Variants in PECR observed in about 807,000 individuals in gnomAD.
PECR encodes the protein 2,4-dienoyl-CoA reductase-related protein.
Under a neutral mutation model 35.3 loss-of-function variants are expected in PECR, and 30 were observed. The ratio of observed to expected loss-of-function variants is 0.85; its 90% CI spans 0.64 to 1.15. PECR has a LOEUF of 1.15. Among genes scored for constraint, PECR ranks in the 50% most tolerant of loss-of-function variants. The pLI is 0.00. For synonymous variants in PECR, 148 were observed against 138.9 expected, an observed-to-expected ratio of 1.07 and a Z score of -0.46; for missense variants, 392 against 370.8, an observed-to-expected ratio of 1.06 and a Z score of -0.47.
chr2:216,050,022 A>T (rs924218311), intron 5 of PECR, among the ~76,000 whole-genome samples: 3 of 152,100 alleles, frequency 2.0e-5, no homozygotes, highest in African/African-American at 7.2e-5. Context: ...GTTTGAGACC[A>T]GCCTGGGCAA....
At chr2:216,045,705 G>A (rs1324482257) in intron 6 of PECR, among the ~76,000 whole-genome samples, 3 of 152,212 alleles carry the variant, frequency 2.0e-5, no homozygotes, top group South Asian at 4.1e-4. Context: ...CAACAGAGCT[G>A]GTTTTAACCC....
intron 4 of PECR, among the ~76,000 whole-genome samples, chr2:216,056,773 C>T (rs1262288703): frequency 6.9e-6 from 1 of 144,210 alleles, no homozygotes; most frequent in Admixed American, 6.9e-5. Context: ...GTGCACAATA[C>T]ATAGTAAGAA....
intron 1 of PECR, among the ~76,000 whole-genome samples, chr2:216,078,693 C>G (rs1372137310): frequency 6.6e-6 from 1 of 152,022 alleles, no homozygotes; most frequent in Non-Finnish European, 1.5e-5. Flanking sequence ...TATATGATGT[C>G]TTTTTCTCAA....
At position 216,065,497 on chromosome 2, in the gene PECR, G is replaced by A. The variant is rs746626592; in HGVS notation, c.259-20C>T. On this transcript the variant is annotated intron_variant, in intron 2 of 7. Transcript: ENST00000265322. The stretch of plus-strand genomic sequence containing the variant: ...ATTCACCTAAAGAAGAACAGTAGAA[G>A]TTACTAAAAGGAAAAGTTTAATAGC... 6 of 1,511,996 alleles carry A rather than the reference G, an allele frequency of 4.0e-6. No homozygotes were observed. In the East Asian group the frequency reaches 1.1e-4, roughly 28 times the overall value. 93.7% of individuals were successfully genotyped at this position (1,511,996 alleles called of 1,614,324 possible). A position where few individuals can be genotyped will look rare whatever the true frequency, so the allele number is the denominator to read the frequency against.
At chr2:216,064,749 T>C (rs1007701304) in intron 3 of PECR, among the ~76,000 whole-genome samples, 1 of 152,238 alleles carries the variant, frequency 6.6e-6, no homozygotes, top group African/African-American at 2.4e-5. Flanking sequence ...TAATTCATGT[T>C]GGCATGAAGA....
chr2:216,047,852 C>T (rs564074601), intron 6 of PECR, among the ~76,000 whole-genome samples: 9 of 151,984 alleles, frequency 5.9e-5, no homozygotes, highest in Non-Finnish European at 8.8e-5. Context: ...TTGGTTCTCC[C>T]CATCAAGGAA....
In PECR at chr2:216,065,315, C is replaced by G; in HGVS notation, c.421G>C (p.Ala141Pro). 2.5e-6 allele frequency: 4 copies of G among 1,606,764 alleles called. No individual in the cohort carries two copies. The highest frequency in any genetic ancestry group is 3.4e-6 in the Non-Finnish European group (4 of 1,173,268). The change falls in exon 3 of 8, where the codon GCA becomes CCA. Residue 141 changes from alanine to proline, a missense_variant. Physicochemically the swap from Ala to Pro is conservative, Grantham distance 27. Transcript: ENST00000265322. ...NLTGTFYMCK[A>P]VYSSWMKEHG... Reference sequence around the variant, plus strand: ...TGTGGATACTGATGGTACTTGCCTGCTTTGCACATGTAGAAGGTACCCGTC... The same window carrying G: ...TGTGGATACTGATGGTACTTGCCTGGTTTGCACATGTAGAAGGTACCCGTC...
At chr2:216,051,083 C>T (rs756208732) in intron 5 of PECR, among the ~76,000 whole-genome samples, 29 of 151,346 alleles carry the variant, frequency 1.9e-4, no homozygotes, top group Non-Finnish European at 3.2e-4. Flanking sequence ...CTCAGGAGTT[C>T]GAGACCACCC....
chr2:216,045,850 C>G (rs967923120), intron 6 of PECR, among the ~76,000 whole-genome samples: 1 of 152,230 alleles, frequency 6.6e-6, no homozygotes, highest in African/African-American at 2.4e-5. Flanking sequence ...GTAGTCACAA[C>G]CTCTAACAAT....
In PECR at chr2:216,049,349, C is replaced by T. The variant is rs1695059232; in HGVS notation, c.628G>A (p.Val210Met). The T allele has an allele frequency of 6.4e-7, 1 of 1,572,272 alleles. No individual in the cohort carries two copies. The highest frequency in any genetic ancestry group is 8.8e-7 in the Non-Finnish European group (1 of 1,141,914). Residue 210 changes from valine to methionine, a missense_variant, in exon 6 of 8, where the codon GTG (valine) becomes ATG (methionine). Coordinates refer to ENST00000265322, the MANE Select transcript of PECR (RefSeq NM_018441.6). ...APGVIYSQTA[V>M]ENYGSWGQSF... ...TGTCCCCAGGAACCATAGTTCTCCA[C>T]AGCAGTCTGGGAATAAATAACTCCC...
In PECR at chr2:216,081,658, C is replaced by G; in HGVS notation, c.84G>C (p.Thr28=). 1 of 1,613,030 alleles carries G rather than the reference C, an allele frequency of 6.2e-7. No individual in the cohort carries two copies. Among genetic ancestry groups the G allele is most frequent in the Admixed American group, 1.7e-5 (1 of 60,012 alleles). ...CCTTCACGATGGCTTTTCCGATGCCCGTGGCCCCGCCGGTGACGATGGCCA... is the reference window on the plus strand; with the variant it reads ...CCTTCACGATGGCTTTTCCGATGCCGGTGGCCCCGCCGGTGACGATGGCCA... The part of the protein sequence containing the change: ...GQVAIVTGGA[T]GIGKAIVKEL... Residue 28 remains threonine, a synonymous_variant, in exon 1 of 8, where the codon ACG becomes ACC. Coordinates refer to ENST00000265322, the MANE Select transcript of PECR (RefSeq NM_018441.6).
intron 3 of PECR, among the ~76,000 whole-genome samples, chr2:216,062,232 G>A (rs1036044686): frequency 6.6e-6 from 1 of 152,002 alleles, no homozygotes. Context: ...TTTTAGTGGA[G>A]ACAGGGTTTC....
chr2:216,075,630 T>C (rs1695682799), intron 1 of PECR, among the ~76,000 whole-genome samples: 1 of 152,252 alleles, frequency 6.6e-6, no homozygotes, highest in South Asian at 2.1e-4. Flanking sequence ...AAAGCTCAAC[T>C]GACCTGCTTA....
chr2:216,044,164 T>C (rs768809172), intron 6 of PECR, 149 bp from the exon 7 acceptor site: 3 of 660,996 alleles, frequency 4.5e-6, no homozygotes, highest in African/African-American at 3.6e-5. Context: ...TCACAGTACA[T>C]AGACAACTTC....
At chr2:216,076,383 A>C (rs1695697870) in intron 1 of PECR, among the ~76,000 whole-genome samples, 1 of 152,226 alleles carries the variant, frequency 6.6e-6, no homozygotes, top group African/African-American at 2.4e-5. Flanking sequence ...AAACAGAGTC[A>C]AGCAAAGATT....
intron 7 of PECR, among the ~76,000 whole-genome samples, chr2:216,043,115 A>ATATATT (rs1553560262): frequency 0.013 from 1,748 of 134,412 alleles, 45 homozygotes; most frequent in Non-Finnish European, 0.02. Flanking sequence ...ATATATATAT[A>ATATATT]TTTTTTTTTG....
At chr2:216,054,441 T>G (rs1695185756) in intron 4 of PECR, among the ~76,000 whole-genome samples, 2 of 149,614 alleles carry the variant, frequency 1.3e-5, no homozygotes, top group South Asian at 4.3e-4. Context: ...ATTCAAGTGA[T>G]TCTCATACCT....
intron 7 of PECR, among the ~76,000 whole-genome samples, chr2:216,031,665 AAGAAAGAAAGAAAGAAAG>A (rs1553558862): frequency 1.2e-5 from 1 of 84,862 alleles, no homozygotes; most frequent in African/African-American, 4.3e-5. Context: ...GAAAGAAAGA[AAGAAAGAAAGAAAGAAAG>A]AAAGAAAGAG....
chr2:216,080,720 T>C (rs1485809994), intron 1 of PECR, among the ~76,000 whole-genome samples: 1 of 152,260 alleles, frequency 6.6e-6, no homozygotes, highest in Non-Finnish European at 1.5e-5. Context: ...CATATTTTAT[T>C]ACCAATAAAG....
Sources: allele counts gnomAD v4.1 joint callset (sites outside exome capture counted in the v4.1 genomes callset), GRCh38; gene constraint gnomAD v4.1.1; transcripts MANE v1.5; gene names NCBI Gene and HGNC (gene_info 2026-07-23, HGNC 2026-07-21).